GRIA4: variants seen among roughly 807,000 people sequenced by gnomAD.
GRIA4 encodes the protein glutamate ionotropic receptor AMPA type subunit 4.
GRIA4 carries 34 observed loss-of-function variants against 104.0 expected under a neutral mutation model. The observed-to-expected ratio is 0.33, with a 90% confidence interval of 0.25 to 0.44. The LOEUF (loss-of-function observed/expected upper bound fraction) is 0.44, where lower values mean the gene tolerates loss of function less well. Ranked by LOEUF, GRIA4 falls within the 20% of genes least tolerant of loss-of-function variation. The pLI is 1.00. For missense variants in GRIA4, 750 were observed against 1,096.5 expected, an observed-to-expected ratio of 0.68 and a Z score of 4.46; for synonymous variants, 386 against 381.9, an observed-to-expected ratio of 1.01 and a Z score of -0.13.
chr11:105,786,563 G>C (rs1239562539), intron 4 of GRIA4, among the ~76,000 whole-genome samples: 1 of 152,068 alleles, frequency 6.6e-6, no homozygotes, highest in South Asian at 2.1e-4. Flanking sequence ...ACTATGCTAG[G>C]TTCCGGGAAT....
At chr11:105,901,875 C>T (rs1014116286) in intron 7 of GRIA4, among the ~76,000 whole-genome samples, 2 of 152,152 alleles carry the variant, frequency 1.3e-5, no homozygotes, top group African/African-American at 2.4e-5. Flanking sequence ...TCCTCAAGTA[C>T]TAGCATTGCA....
intron 4 of GRIA4, among the ~76,000 whole-genome samples, chr11:105,762,624 T>C (rs1940718588): frequency 6.6e-6 from 1 of 152,158 alleles, no homozygotes; most frequent in Admixed American, 6.6e-5. Flanking sequence ...AAGCCCCTCT[T>C]GTCATGGGAG....
At chr11:105,787,060 T>C (rs578119530) in intron 4 of GRIA4, among the ~76,000 whole-genome samples, 30 of 152,270 alleles carry the variant, frequency 2.0e-4, no homozygotes, top group African/African-American at 7.2e-4. Context: ...TTTCCATCCC[T>C]GCCATTCTGG....
At chr11:105,763,425 C>T (rs1244793544) in intron 4 of GRIA4, among the ~76,000 whole-genome samples, 1 of 151,984 alleles carries the variant, frequency 6.6e-6, no homozygotes, top group African/African-American at 2.4e-5. Context: ...TTTTTAAAGT[C>T]TGTAATGTAA....
chr11:105,798,310 G>A (rs1942576022), intron 4 of GRIA4, among the ~76,000 whole-genome samples: 3 of 152,136 alleles, frequency 2.0e-5, no homozygotes. Flanking sequence ...AGAAGGTGAG[G>A]GAGTTATTCC....
At chr11:105,965,087 G>A (rs1055194608) in intron 14 of GRIA4, among the ~76,000 whole-genome samples, 50 of 152,120 alleles carry the variant, frequency 3.3e-4, no homozygotes, top group Non-Finnish European at 4.0e-4. Flanking sequence ...GATTACAGGC[G>A]TGAGCCACCG....
chr11:105,790,673 T>C (rs1384313006), intron 4 of GRIA4, among the ~76,000 whole-genome samples: 1 of 152,150 alleles, frequency 6.6e-6, no homozygotes, highest in Non-Finnish European at 1.5e-5. Flanking sequence ...GCTATAAATT[T>C]AAAAATAATG....
At chr11:105,649,630 T>A (rs571332525) in intron 3 of GRIA4, among the ~76,000 whole-genome samples, 1 of 152,266 alleles carries the variant, frequency 6.6e-6, no homozygotes, top group Admixed American at 6.5e-5. Flanking sequence ...AAATTAGTAA[T>A]TCTTTTAAAA....
chr11:105,665,788 T>C (rs1952146792), intron 3 of GRIA4, among the ~76,000 whole-genome samples: 1 of 152,044 alleles, frequency 6.6e-6, no homozygotes, highest in Admixed American at 6.6e-5. Flanking sequence ...GGAGATATTA[T>C]TATATCACAT....
At chr11:105,685,517 T>G (rs1565462719) in intron 3 of GRIA4, among the ~76,000 whole-genome samples, 2 of 152,188 alleles carry the variant, frequency 1.3e-5, no homozygotes, top group Admixed American at 6.5e-5. Flanking sequence ...TAATTCAGTC[T>G]ACTAAAAGAG....
chr11:105,691,067 G>A (rs895113625), intron 3 of GRIA4, among the ~76,000 whole-genome samples: 2 of 152,092 alleles, frequency 1.3e-5, no homozygotes, highest in Non-Finnish European at 2.9e-5. Flanking sequence ...GACAGGGGGT[G>A]TGTGTGTGGG....
At chr11:105,844,919 C>G (rs182024358) in intron 4 of GRIA4, among the ~76,000 whole-genome samples, 1 of 152,166 alleles carries the variant, frequency 6.6e-6, no homozygotes, top group Non-Finnish European at 1.5e-5. Context: ...TATGGCACAG[C>G]GGGAATGTAG....
At chr11:105,653,726 C>G (rs746309803) in intron 3 of GRIA4, among the ~76,000 whole-genome samples, 8 of 151,598 alleles carry the variant, frequency 5.3e-5, no homozygotes, top group Non-Finnish European at 1.0e-4. Context: ...GAAATGTTCC[C>G]AGGATGTGAA....
At chr11:105,974,835 G>A (rs592656) in intron 16 of GRIA4, 150,827 of 233,436 alleles carry the variant, frequency 0.65, 49,004 homozygotes, top group Middle Eastern at 0.71. Flanking sequence ...GAAATTTGGG[G>A]AAAATTGGAA....
In GRIA4 at chr11:105,979,843, T is replaced by G; in HGVS notation, c.*104T>G. On this transcript the variant is annotated 3_prime_UTR_variant, in exon 17 of 17. Coordinates refer to ENST00000282499, the MANE Select transcript of GRIA4 (RefSeq NM_000829.4). ...GCGGGTCTTTGCTAAACCAATCCTT[T>G]GGCTGAGAGCGGGAAGTCCGTCCTA... 1 of 800,098 alleles carries G rather than the reference T, an allele frequency of 1.2e-6. No homozygotes were observed. The highest frequency in any genetic ancestry group is 2.0e-6 in the Non-Finnish European group (1 of 503,554). 49.6% of individuals were successfully genotyped at this position (800,098 alleles called of 1,614,324 possible). A position where few individuals can be genotyped will look rare whatever the true frequency, so the allele number is the denominator to read the frequency against.
chr11:105,774,674 T>G (rs1363801724), intron 4 of GRIA4, among the ~76,000 whole-genome samples: 1 of 152,068 alleles, frequency 6.6e-6, no homozygotes, highest in Non-Finnish European at 1.5e-5. Context: ...GATCCAAAAT[T>G]TATAGCCCTA....
chr11:105,816,685 T>A (rs997812903), intron 4 of GRIA4, among the ~76,000 whole-genome samples: 1 of 152,078 alleles, frequency 6.6e-6, no homozygotes, highest in African/African-American at 2.4e-5. Context: ...TTATAATAGA[T>A]TATTTCCATC....
chr11:105,914,301 A>G (rs1947338411), intron 10 of GRIA4, among the ~76,000 whole-genome samples: 1 of 151,946 alleles, frequency 6.6e-6, no homozygotes, highest in African/African-American at 2.4e-5. Flanking sequence ...AATTATCTAC[A>G]TCCATTAAGA....
intron 4 of GRIA4, among the ~76,000 whole-genome samples, chr11:105,811,556 C>T (rs1011984674): frequency 1.3e-5 from 2 of 152,060 alleles, no homozygotes; most frequent in Non-Finnish European, 2.9e-5. Flanking sequence ...AAGAAAATGG[C>T]ATTGTCTACA....
Sources: allele counts gnomAD v4.1 joint callset (sites outside exome capture counted in the v4.1 genomes callset), GRCh38; gene constraint gnomAD v4.1.1; transcripts MANE v1.5; gene names NCBI Gene and HGNC (gene_info 2026-07-23, HGNC 2026-07-21).